The following PTPRT variants were observed in gnomAD, a reference collection of about 807,000 sequenced individuals.
PTPRT encodes receptor-type tyrosine-protein phosphatase T.
A neutral mutation model predicts 176.8 loss-of-function variants in PTPRT; 56 were observed. That is an observed-to-expected ratio of 0.32 (90% CI 0.26 to 0.40). The LOEUF is 0.40. Ranked by LOEUF, PTPRT falls within the 10% of genes least tolerant of loss-of-function variation. The pLI, the probability that PTPRT is intolerant of heterozygous loss-of-function variation, is 1.00. For missense variants in PTPRT, 1,540 were observed against 1,908.2 expected, an observed-to-expected ratio of 0.81 and a Z score of 3.60; for synonymous variants, 783 against 739.0, an observed-to-expected ratio of 1.06 and a Z score of -0.96.
Position 42,461,527 on chromosome 20 carries a change from C to T in PTPRT, c.1450+10739G>A, listed in dbSNP as rs62203546. Among the ~76,000 whole-genome samples, 1,321 of 152,062 alleles carry T rather than the reference C, an allele frequency of 8.7e-3. 11 individuals are homozygous for T. The highest frequency in any genetic ancestry group is 0.014 in the Middle Eastern group (4 of 294). On this transcript the variant is annotated intron_variant, in intron 8 of 30. Coordinates refer to ENST00000373187, the MANE Select transcript of PTPRT (RefSeq NM_007050.6). ...TCCAGCCTGGGAGACACAGTGAAAC[C>T]CTATCTTTAAAACAAAAACAAAGAG...
At position 42,446,627 on chromosome 20, in the gene PTPRT, A is replaced by T. The variant is rs1305507526; in HGVS notation, c.1560+1593T>A. Among the ~76,000 whole-genome samples the T allele has an allele frequency of 8.8e-3, 1,276 of 144,796 alleles. 19 individuals are homozygous for T. The highest frequency in any genetic ancestry group is 0.031 in the African/African-American group (1,166 of 37,814). 95.0% of individuals were successfully genotyped at this position (144,796 alleles called of 152,430 possible). A position where few individuals can be genotyped will look rare whatever the true frequency, so the allele number is the denominator to read the frequency against. ...GTGTGTGTGTGTGTGTGTGTGAGAG[A>T]GAGAGAGAGATTGTGGTTTCTGCTT... On this transcript the variant is annotated intron_variant, in intron 9 of 30. Coordinates refer to ENST00000373187, the MANE Select transcript of PTPRT (RefSeq NM_007050.6).
At chr20:43,071,935 T>C (rs569438612) in intron 1 of PTPRT, among the ~76,000 whole-genome samples, 1 of 152,366 alleles carries the variant, frequency 6.6e-6, no homozygotes, top group South Asian at 2.1e-4. Context: ...GTCACCATTG[T>C]TTTCCATTGG....
At chr20:42,411,035 C>T (rs1291021239) in intron 9 of PTPRT, among the ~76,000 whole-genome samples, 1 of 151,888 alleles carries the variant, frequency 6.6e-6, no homozygotes, top group East Asian at 1.9e-4. Context: ...AAAAGAAGTA[C>T]ATAATAAATG....
At chr20:42,539,735 T>G (rs1004365229) in intron 7 of PTPRT, among the ~76,000 whole-genome samples, 9 of 148,504 alleles carry the variant, frequency 6.1e-5, no homozygotes, top group Admixed American at 4.7e-4. Flanking sequence ...GAACAAAATA[T>G]TAGAAACCAA....
intron 6 of PTPRT, among the ~76,000 whole-genome samples, chr20:42,755,335 T>G (rs1174416375): frequency 6.6e-6 from 1 of 152,134 alleles, no homozygotes; most frequent in Admixed American, 6.5e-5. Context: ...CACCCATACT[T>G]TGACAAAGGA....
chr20:42,342,813 C>T (rs1393547515), intron 11 of PTPRT, among the ~76,000 whole-genome samples: 2 of 152,212 alleles, frequency 1.3e-5, no homozygotes, highest in Non-Finnish European at 2.9e-5. Flanking sequence ...ATCTGGCAAT[C>T]GTTTGCTTTT....
At chr20:42,174,064 T>C (rs1228608398) in intron 16 of PTPRT, among the ~76,000 whole-genome samples, 1 of 152,174 alleles carries the variant, frequency 6.6e-6, no homozygotes, top group Non-Finnish European at 1.5e-5. Flanking sequence ...CAGAAGAGAA[T>C]GAAGTATATT....
intron 3 of PTPRT, 111 bp downstream of exon 3, chr20:42,791,084 A>G: frequency 7.4e-7 from 1 of 1,358,824 alleles, no homozygotes; most frequent in South Asian, 1.5e-5. Flanking sequence ...AAGCACAGTA[A>G]ACACGAGTGA....
chr20:42,614,631 T>C (rs1321496365), intron 7 of PTPRT, among the ~76,000 whole-genome samples: 1 of 152,106 alleles, frequency 6.6e-6, no homozygotes, highest in Non-Finnish European at 1.5e-5. Context: ...ACCTCCTACT[T>C]CACAGAAGCA....
chr20:42,371,862 C>G (rs2058591044), intron 9 of PTPRT, among the ~76,000 whole-genome samples: 1 of 152,156 alleles, frequency 6.6e-6, no homozygotes. Context: ...CTACCCCTGT[C>G]CAGTTGAACT....
rs139426319 is a variant in PTPRT at position 42,999,125 on chromosome 20, G to A, written c.89-113193C>T. Among the ~76,000 whole-genome samples the A allele has an allele frequency of 4.1e-3, 628 of 152,272 alleles. 3 individuals are homozygous for A. Among genetic ancestry groups the A allele is most frequent in the African/African-American group, 0.015 (603 of 41,558 alleles). On this transcript the variant is annotated intron_variant, in intron 1 of 30. Coordinates refer to ENST00000373187, the MANE Select transcript of PTPRT (RefSeq NM_007050.6). ...GGAGGTAGGCATGAGGAAAAGAAAA[G>A]TACTGTGCAGCCATTAAAATTAATG...
intron 1 of PTPRT, among the ~76,000 whole-genome samples, chr20:43,116,694 T>C (rs1365374128): frequency 6.6e-6 from 1 of 152,166 alleles, no homozygotes; most frequent in African/African-American, 2.4e-5. Context: ...GCTTTCCCAC[T>C]TTATTGTAAT....
At chr20:43,130,979 C>T (rs947207) in intron 1 of PTPRT, among the ~76,000 whole-genome samples, 144,065 of 152,262 alleles carry the variant, frequency 0.95, 68,668 homozygotes, top group East Asian at 1. Context: ...ACAAATGAAG[C>T]CAGGATCTCC....
At chr20:42,118,205 G>A (rs1555872075) in intron 21 of PTPRT, among the ~76,000 whole-genome samples, 198 bp downstream of exon 21, 1 of 152,198 alleles carries the variant, frequency 6.6e-6, no homozygotes, top group Non-Finnish European at 1.5e-5. Context: ...GAGAGTGAGG[G>A]TGTAAAAAGG....
At chr20:43,085,263 T>C (rs1471917253) in intron 1 of PTPRT, among the ~76,000 whole-genome samples, 1 of 152,154 alleles carries the variant, frequency 6.6e-6, no homozygotes. Flanking sequence ...AACATCTCAT[T>C]CTTTTACAAC....
intron 7 of PTPRT, among the ~76,000 whole-genome samples, chr20:42,594,689 G>C (rs2073639348): frequency 6.6e-6 from 1 of 152,120 alleles, no homozygotes; most frequent in African/African-American, 2.4e-5. Flanking sequence ...TTGAGATTCT[G>C]AATTAGTTTC....
chr20:42,167,320 C>T (rs1989872281), intron 16 of PTPRT, among the ~76,000 whole-genome samples: 1 of 152,156 alleles, frequency 6.6e-6, no homozygotes, highest in South Asian at 2.1e-4. Context: ...ACCCCAAAGC[C>T]ATCTATTTTA....
chr20:42,576,922 C>T (rs1400319829), intron 7 of PTPRT, among the ~76,000 whole-genome samples: 2 of 152,066 alleles, frequency 1.3e-5, no homozygotes, highest in South Asian at 2.1e-4. Context: ...CTTGCCTTAC[C>T]GTCAGATGAG....
intron 17 of PTPRT, among the ~76,000 whole-genome samples, chr20:42,155,731 T>A (rs955462506): frequency 1.3e-5 from 2 of 152,142 alleles, no homozygotes; most frequent in Non-Finnish European, 2.9e-5. Flanking sequence ...ATTTTATGGC[T>A]CTACATGCAG....
Sources: allele counts gnomAD v4.1 joint callset (sites outside exome capture counted in the v4.1 genomes callset), GRCh38; gene constraint gnomAD v4.1.1; transcripts MANE v1.5; gene names NCBI Gene and HGNC (gene_info 2026-07-23, HGNC 2026-07-21).